CTNNA2: variants seen among roughly 807,000 people sequenced by gnomAD.
The protein encoded by CTNNA2 is catenin alpha-2.
CTNNA2 carries 42 observed loss-of-function variants against 101.0 expected under a neutral mutation model. That is an observed-to-expected ratio of 0.42 (90% confidence interval 0.32 to 0.54). CTNNA2 has a LOEUF of 0.54. Among genes scored for constraint, CTNNA2 ranks in the 20% least tolerant of loss-of-function variants. The probability of loss-of-function intolerance (pLI) is 0.14; values close to 1 mark genes in which losing one functional copy is unlikely to be tolerated. For missense variants in CTNNA2, 871 were observed against 1,223.1 expected, an observed-to-expected ratio of 0.71 and a Z score of 4.29; for synonymous variants, 450 against 456.4, an observed-to-expected ratio of 0.99 and a Z score of 0.18.
chr2:79,275,163 G>A (rs2104313479), intron 2 of CTNNA2, among the ~76,000 whole-genome samples: 1 of 152,170 alleles, frequency 6.6e-6, no homozygotes. Context: ...AAGCACAGAA[G>A]AAATGGTTGT....
At chr2:79,787,810 C>G (rs1348837829) in intron 3 of CTNNA2, among the ~76,000 whole-genome samples, 1 of 151,948 alleles carries the variant, frequency 6.6e-6, no homozygotes, top group Non-Finnish European at 1.5e-5. Flanking sequence ...TATAAAGACC[C>G]TTCCAATGAC....
chr2:79,196,545 T>G (rs560514451), intron 1 of CTNNA2, among the ~76,000 whole-genome samples: 1 of 152,326 alleles, frequency 6.6e-6, no homozygotes, highest in African/African-American at 2.4e-5. Flanking sequence ...AGAGTCTGAT[T>G]TTACCTTTTT....
intron 2 of CTNNA2, among the ~76,000 whole-genome samples, chr2:79,234,041 A>T (rs1397395357): frequency 2.0e-5 from 3 of 150,108 alleles, no homozygotes; most frequent in Non-Finnish European, 3.0e-5. Context: ...GATTACATTC[A>T]GGGTTAGTAT....
intron 3 of CTNNA2, among the ~76,000 whole-genome samples, chr2:79,771,876 A>G (rs1226431777): frequency 6.6e-6 from 1 of 152,202 alleles, no homozygotes; most frequent in Non-Finnish European, 1.5e-5. Flanking sequence ...TGTACATTTT[A>G]AAGCTAATGC....
At chr2:80,524,481 A>G (rs1689852775) in intron 9 of CTNNA2, among the ~76,000 whole-genome samples, 1 of 152,090 alleles carries the variant, frequency 6.6e-6, no homozygotes, top group Non-Finnish European at 1.5e-5. Context: ...AGTTCTGCCC[A>G]TTGCCTACAG....
intron 6 of CTNNA2, among the ~76,000 whole-genome samples, chr2:79,895,882 C>T (rs1574254959): frequency 6.6e-6 from 1 of 152,152 alleles, no homozygotes; most frequent in East Asian, 1.9e-4. Context: ...CTATTTTGGT[C>T]CACAGACCAT....
At chr2:79,277,846 C>T (rs1026046190) in intron 2 of CTNNA2, among the ~76,000 whole-genome samples, 2 of 152,000 alleles carry the variant, frequency 1.3e-5, no homozygotes, top group African/African-American at 4.8e-5. Flanking sequence ...TTTATTTGCT[C>T]TAGCAAATAA....
chr2:80,488,566 G>A (rs1686782183), intron 9 of CTNNA2, among the ~76,000 whole-genome samples: 1 of 152,164 alleles, frequency 6.6e-6, no homozygotes, highest in Admixed American at 6.5e-5. Flanking sequence ...TAAAATCAAT[G>A]CTATTTCCTA....
intron 7 of CTNNA2, among the ~76,000 whole-genome samples, chr2:80,019,424 C>G (rs867797017): frequency 5.8e-4 from 88 of 152,260 alleles, no homozygotes; most frequent in African/African-American, 2.0e-3. Context: ...TGGGCCAAAA[C>G]CTTCATCTTT....
intron 1 of CTNNA2, among the ~76,000 whole-genome samples, chr2:79,613,177 A>AAT (rs397824344): frequency 9.2e-5 from 14 of 151,418 alleles, no homozygotes; most frequent in Non-Finnish European, 1.6e-4. Context: ...AAAAAAAAAA[A>AAT]CGATGTTTGT....
chr2:79,677,767 A>C (rs1683282559), intron 2 of CTNNA2, among the ~76,000 whole-genome samples: 2 of 152,230 alleles, frequency 1.3e-5, no homozygotes, highest in Non-Finnish European at 2.9e-5. Flanking sequence ...CACTGAAAGG[A>C]AATGTTAAAG....
At chr2:79,186,284 T>C (rs947941632) in intron 1 of CTNNA2, among the ~76,000 whole-genome samples, 5 of 152,178 alleles carry the variant, frequency 3.3e-5, no homozygotes, top group African/African-American at 1.2e-4. Context: ...AGTATAGACA[T>C]GAATTTATCC....
At chr2:80,158,521 C>T (rs1471402327) in intron 7 of CTNNA2, among the ~76,000 whole-genome samples, 1 of 152,208 alleles carries the variant, frequency 6.6e-6, no homozygotes, top group African/African-American at 2.4e-5. Flanking sequence ...TGTTGCTCTT[C>T]AATAGCAACA....
chr2:80,500,742 A>G (rs1324209494), intron 9 of CTNNA2, among the ~76,000 whole-genome samples: 6 of 152,176 alleles, frequency 3.9e-5, no homozygotes, highest in Non-Finnish European at 7.3e-5. Context: ...TGTACTGGGT[A>G]GAGGTGCACA....
At chr2:79,276,944 G>GCA (rs1444696619) in intron 2 of CTNNA2, among the ~76,000 whole-genome samples, 4 of 152,026 alleles carry the variant, frequency 2.6e-5, no homozygotes, top group Non-Finnish European at 5.9e-5. Context: ...GCATAGATGT[G>GCA]CACACACACA....
At chr2:79,760,279 C>T (rs7577323) in intron 3 of CTNNA2, among the ~76,000 whole-genome samples, 63,138 of 150,050 alleles carry the variant, frequency 0.42, 14,224 homozygotes, top group East Asian at 0.79. Flanking sequence ...ATGTATATTA[C>T]ATATAAAATG....
intron 7 of CTNNA2, among the ~76,000 whole-genome samples, chr2:80,340,848 A>G (rs1672168127): frequency 6.6e-6 from 1 of 152,126 alleles, no homozygotes; most frequent in African/African-American, 2.4e-5. Flanking sequence ...GTCATACTCC[A>G]ATCTCAAATC....
chr2:80,602,688 C>A (rs1368889652), intron 15 of CTNNA2, among the ~76,000 whole-genome samples: 1 of 152,054 alleles, frequency 6.6e-6, no homozygotes, highest in East Asian at 1.9e-4. Flanking sequence ...CAGATTGTCA[C>A]AGAATGTTTA....
intron 9 of CTNNA2, among the ~76,000 whole-genome samples, chr2:80,527,670 G>GGA (rs1399305259): frequency 6.6e-6 from 1 of 152,242 alleles, no homozygotes; most frequent in Non-Finnish European, 1.5e-5. Context: ...GGAGTCATTG[G>GGA]GAGAGAGAGG....
Sources: gnomAD v4.1 joint callset for allele counts (sites outside exome capture counted in the v4.1 genomes callset) on GRCh38, gnomAD v4.1.1 for gene constraint, MANE v1.5 for transcripts, NCBI Gene and HGNC (gene_info 2026-07-23, HGNC 2026-07-21) for gene names.